The following BBS12 variants were observed in gnomAD, a reference collection of about 807,000 sequenced individuals.
BBS12 encodes chaperonin-containing T-complex member BBS12.
BBS12 carries 5 observed loss-of-function variants against 5.6 expected under a neutral mutation model. The ratio of observed to expected loss-of-function variants is 0.89; its 90% CI spans 0.46 to 1.86. The LOEUF is 1.86. Ranked by LOEUF, BBS12 falls within the 40% of genes most tolerant of loss-of-function variation. The pLI is 0.01. For missense variants in BBS12, 748 were observed against 830.4 expected (o/e 0.90, Z 1.22); for synonymous variants, 308 against 306.8 (o/e 1.00, Z -0.04).
At chr4:122,706,696 C>CA in the BBS12 span, among the ~76,000 whole-genome samples, 1 of 152,122 alleles carries the variant, frequency 6.6e-6, no homozygotes, top group Non-Finnish European at 1.5e-5. Context: ...TTCATGTCTT[C>CA]AAGGTAAGAC....
the BBS12 span, among the ~76,000 whole-genome samples, chr4:122,718,248 A>G: frequency 6.6e-6 from 1 of 152,324 alleles, no homozygotes; most frequent in East Asian, 1.9e-4. Flanking sequence ...ACCAAAGGCA[A>G]ACTGTTCATT....
At chr4:122,719,855 A>T in the BBS12 span, among the ~76,000 whole-genome samples, 1 of 152,252 alleles carries the variant, frequency 6.6e-6, no homozygotes, top group Admixed American at 6.5e-5. Context: ...ATTGAGATGC[A>T]GAAGTATTTT....
At chr4:122,714,140 T>C in the BBS12 span, among the ~76,000 whole-genome samples, 1 of 152,156 alleles carries the variant, frequency 6.6e-6, no homozygotes, top group Non-Finnish European at 1.5e-5. Context: ...CCTAATTCAA[T>C]AGCACTGTGT....
chr4:122,716,607 A>ACGCG, the BBS12 span, among the ~76,000 whole-genome samples: 1 of 58,810 alleles, frequency 1.7e-5, no homozygotes, highest in East Asian at 1.3e-3. Context: ...GTATACACAC[A>ACGCG]TGTGTGTATA....
At chr4:122,722,802 G>A in the BBS12 span, among the ~76,000 whole-genome samples, 3 of 152,048 alleles carry the variant, frequency 2.0e-5, no homozygotes, top group African/African-American at 7.2e-5. Context: ...CTGCAAATAA[G>A]ATTTTATATC....
chr4:122,704,044 C>T, the BBS12 span, among the ~76,000 whole-genome samples: 5 of 152,044 alleles, frequency 3.3e-5, no homozygotes, highest in Non-Finnish European at 5.9e-5. Context: ...GAGACGGTAT[C>T]CCACTGTGTT....
At chr4:122,725,330 A>T in the BBS12 span, among the ~76,000 whole-genome samples, 1 of 152,158 alleles carries the variant, frequency 6.6e-6, no homozygotes, top group African/African-American at 2.4e-5. Flanking sequence ...AAAAGAACAA[A>T]TCTGGAGGCA....
At chr4:122,741,743 C>G in intron 1 of BBS12, 140 bp from the exon 2 acceptor site, 1 of 671,564 alleles carries the variant, frequency 1.5e-6, no homozygotes, top group Non-Finnish European at 2.6e-6. Context: ...AATAATAATA[C>G]TGTATCATTG....
At position 122,742,899 on chromosome 4, in the gene BBS12, CTG is replaced by C. The variant is rs1553941369; in HGVS notation, c.1009_1010del (p.Val337CysfsTer5). On this transcript the variant is annotated frameshift_variant, in exon 2 of 2. Coordinates refer to ENST00000314218, the MANE Select transcript of BBS12 (RefSeq NM_152618.3). LOFTEE classifies it low-confidence loss of function (END_TRUNC). ...TCTTGTGTTTGTCCAGGATATATCA[CTG>C]TTGTGTCAGTATCTAATAATCCTGT... 6.2e-7 allele frequency: 1 copy of C among 1,614,198 alleles called. No individual in the cohort carries two copies. Among genetic ancestry groups the C allele is most frequent in the Non-Finnish European group, 8.5e-7 (1 of 1,180,020 alleles).
At chr4:122,733,172 C>CA (rs1560702333) in intron 1 of BBS12, among the ~76,000 whole-genome samples, 1 of 152,144 alleles carries the variant, frequency 6.6e-6, no homozygotes, top group Non-Finnish European at 1.5e-5. Context: ...GCATGGTAGA[C>CA]ACCAGAATTC....
the BBS12 span, among the ~76,000 whole-genome samples, chr4:122,713,595 T>C: frequency 6.6e-6 from 1 of 152,256 alleles, no homozygotes; most frequent in Non-Finnish European, 1.5e-5. Context: ...GATTGTATCT[T>C]TTGGGATTAT....
the BBS12 span, among the ~76,000 whole-genome samples, chr4:122,715,198 G>A: frequency 6.6e-6 from 1 of 150,598 alleles, no homozygotes; most frequent in Non-Finnish European, 1.5e-5. Context: ...TAAGAAAATG[G>A]TCTTTACACT....
Position 122,741,685 on chromosome 4 carries a change from T to A in BBS12, c.-10-198T>A, listed in dbSNP as rs77997891. 0.03 allele frequency among the ~76,000 whole-genome samples: 4,531 copies of A among 152,304 alleles called. 129 individuals carry two copies. Among genetic ancestry groups the A allele is most frequent in the African/African-American group, 0.067 (2,778 of 41,554 alleles). On this transcript the variant is annotated intron_variant, in intron 1 of 1. Coordinates refer to ENST00000314218, the MANE Select transcript of BBS12 (RefSeq NM_152618.3). ...AGCCCTCATGCTTCATTTCCTCTGT[T>A]GGGTGGAGTGTTTCTCTTCCATTCC...
chr4:122,705,074 C>G, the BBS12 span, among the ~76,000 whole-genome samples: 13,574 of 152,214 alleles, frequency 0.089, 1,619 homozygotes, highest in African/African-American at 0.27. Flanking sequence ...CACATCTGCT[C>G]TCACCATAAG....
At position 122,733,106 on chromosome 4, in the gene BBS12, G is replaced by T. The variant is rs372320717; in HGVS notation, c.-11+222G>T. Among the ~76,000 whole-genome samples the T allele has an allele frequency of 3.9e-5, 6 of 152,258 alleles. No homozygotes were observed. The East Asian group carries it at 5.8e-4, about 15-fold the overall frequency. On this transcript the variant is annotated intron_variant, in intron 1 of 1. Coordinates refer to ENST00000314218, the MANE Select transcript of BBS12 (RefSeq NM_152618.3). ...CTAGACTTTCCTCATTTTCTACAGT[G>T]CCTGGAGCTGGGCCTTCAGCCATTT... is the stretch of plus-strand genomic sequence containing the variant.
chr4:122,743,647 A>C lies in BBS12; in HGVS notation c.1755A>C (p.Pro585=). 1 of 1,614,152 alleles carries C rather than the reference A, an allele frequency of 6.2e-7. No individual in the cohort carries two copies. The highest frequency in any genetic ancestry group is 8.5e-7 in the Non-Finnish European group (1 of 1,180,004). Residue 585 remains proline, a synonymous_variant, in exon 2 of 2, where the codon CCA becomes CCC. Transcript: ENST00000314218. ...CTTCATCTCTGGCAATATACAGACC[A>C]ACTGTGCTTAAATTCCTGGCAAATG... The part of the protein sequence containing the change: ...WLASSLAIYR[P]TVLKFLANGW...
chr4:122,725,829 C>T, the BBS12 span, among the ~76,000 whole-genome samples: 1 of 137,956 alleles, frequency 7.2e-6, no homozygotes, highest in Non-Finnish European at 1.5e-5. Context: ...ACCCAGGAGG[C>T]AGAGGTTGCA....
At chr4:122,714,562 A>C in the BBS12 span, among the ~76,000 whole-genome samples, 26 of 151,752 alleles carry the variant, frequency 1.7e-4, no homozygotes, top group Non-Finnish European at 2.5e-4. Context: ...GGCGCATCAC[A>C]TGAGGTCAGG....
chr4:122,731,940 T>C (rs1183453275), upstream of BBS12: 1 of 152,244 alleles, frequency 6.6e-6, no homozygotes, highest in East Asian at 1.9e-4. Context: ...GCATATGCAC[T>C]GAAGAGACTT....
Sources: gnomAD v4.1 joint callset for allele counts (sites outside exome capture counted in the v4.1 genomes callset) on GRCh38, gnomAD v4.1.1 for gene constraint, MANE v1.5 for transcripts, NCBI Gene and HGNC (gene_info 2026-07-23, HGNC 2026-07-21) for gene names.